Variants in POC1B observed in about 807,000 individuals in gnomAD.
POC1B encodes the protein POC1 centriolar protein homolog B.
A neutral mutation model predicts 60.6 loss-of-function variants in POC1B; 44 were observed. The observed-to-expected ratio is 0.73, with a 90% CI of 0.57 to 0.93. The LOEUF (loss-of-function observed/expected upper bound fraction) is 0.93, where lower values mean the gene tolerates loss of function less well. Among genes scored for constraint, POC1B ranks in the 40% least tolerant of loss-of-function variants. POC1B has a pLI of 0.00. For synonymous variants in POC1B, 180 were observed against 198.9 expected, an observed-to-expected ratio of 0.90 and a Z score of 0.80; for missense variants, 555 against 572.3, an observed-to-expected ratio of 0.97 and a Z score of 0.31.
Position 89,517,071 on chromosome 12 carries a change from AC to A in POC1B, c.100+8048del, listed in dbSNP as rs149877380. ...TTTTGGAGGGCCACCATTTAAACCC[AC>A]TATAGCTTCAAGGCCCTGCCTAAGC... is the stretch of plus-strand genomic sequence containing the variant. On this transcript the variant is annotated intron_variant, in intron 2 of 11. Coordinates refer to ENST00000313546, the MANE Select transcript of POC1B (RefSeq NM_172240.3). Among the ~76,000 whole-genome samples the A allele has an allele frequency of 2.7e-3, 417 of 152,196 alleles. 2 individuals carry two copies. The highest frequency in any genetic ancestry group is 8.3e-3 in the African/African-American group (345 of 41,530).
chr12:89,451,727 G>C (rs1336635129), intron 10 of POC1B, among the ~76,000 whole-genome samples: 1 of 152,178 alleles, frequency 6.6e-6, no homozygotes, highest in African/African-American at 2.4e-5. Flanking sequence ...TGAAAAATAT[G>C]TGTTAGCAGA....
In POC1B at chr12:89,521,553, T is replaced by C. The variant is rs142319209; in HGVS notation, c.100+3567A>G. Reference sequence around the variant, plus strand: ...GCACAGTGAGTCAATCTGGGAAGAATATACTGTACAATCAGCATTTCAGAG... The same window carrying C: ...GCACAGTGAGTCAATCTGGGAAGAACATACTGTACAATCAGCATTTCAGAG... On this transcript the variant is annotated intron_variant, in intron 2 of 11. Coordinates refer to ENST00000313546, the MANE Select transcript of POC1B (RefSeq NM_172240.3). 2.7e-3 allele frequency: 422 copies of C among 155,628 alleles called. 2 individuals carry two copies. The highest frequency in any genetic ancestry group is 8.4e-3 in the African/African-American group (349 of 41,718). The allele number at this position is 155,628 out of a possible 1,614,324, so 9.6% of individuals were successfully genotyped here. A position where few individuals can be genotyped will look rare whatever the true frequency, so the allele number is the denominator to read the frequency against.
At chr12:89,412,626 G>A in the POC1B span, among the ~76,000 whole-genome samples, 13 of 151,018 alleles carry the variant, frequency 8.6e-5, no homozygotes, top group East Asian at 2.5e-3. Context: ...GCAGTGAGCC[G>A]AGATCGCACC....
chr12:89,501,752 T>C, intron 2 of POC1B: 1 of 920,524 alleles, frequency 1.1e-6, no homozygotes. Flanking sequence ...AGAAATGAAT[T>C]ACCACTGCAT....
In POC1B at chr12:89,492,012, T is replaced by C. The variant is rs774983051; in HGVS notation, c.376A>G (p.Ile126Val). 4 of 1,609,348 alleles carry C rather than the reference T, an allele frequency of 2.5e-6. No individual in the cohort carries two copies. The highest frequency in any genetic ancestry group is 3.4e-6 in the Non-Finnish European group (4 of 1,178,434). Residue 126 changes from isoleucine to valine, a missense_variant, in exon 4 of 12, where the codon ATA (isoleucine) becomes GTA (valine). Coordinates refer to ENST00000313546, the MANE Select transcript of POC1B (RefSeq NM_172240.3). The stretch of plus-strand genomic sequence containing the variant: ...TGGCGATACATGCTCCATACTTTTA[T>C]GGATTTGTCTTCAGAAGCTGTAGCT... ...FLATASEDKS[I>V]KVWSMYRQRF... is the part of the protein sequence containing the mutation.
chr12:89,499,081 G>GA (rs1356777265), intron 2 of POC1B, among the ~76,000 whole-genome samples: 1 of 152,118 alleles, frequency 6.6e-6, no homozygotes, highest in African/African-American at 2.4e-5. Flanking sequence ...GCACCTGGAA[G>GA]AATGAGGAAT....
chr12:89,445,804 A>G (rs909646231), intron 10 of POC1B, among the ~76,000 whole-genome samples: 1 of 152,232 alleles, frequency 6.6e-6, no homozygotes, highest in Non-Finnish European at 1.5e-5. Flanking sequence ...AGAAACTACC[A>G]TCAGAGTGAA....
intron 10 of POC1B, chr12:89,429,145 T>C (rs1880912138): frequency 6.6e-6 from 1 of 152,126 alleles, no homozygotes; most frequent in Admixed American, 6.5e-5. Flanking sequence ...AGAGCTCCAA[T>C]AGGTTTTCTT....
chr12:89,457,223 T>C (rs1455946155), intron 10 of POC1B, among the ~76,000 whole-genome samples: 2 of 152,184 alleles, frequency 1.3e-5, no homozygotes, highest in African/African-American at 2.4e-5. Flanking sequence ...TTTACAATTA[T>C]GTCTGATTTG....
rs572907680 is a variant in POC1B at position 89,432,469 on chromosome 12, A to G, written c.1114-7090T>C. ...CTTTGCCATGTAAGGAAACATTTTCATAGATTCTGGGGATGAAGACATAAA... is the reference window on the plus strand; with the variant it reads ...CTTTGCCATGTAAGGAAACATTTTCGTAGATTCTGGGGATGAAGACATAAA... On this transcript the variant is annotated intron_variant, in intron 10 of 11. Coordinates refer to ENST00000313546, the MANE Select transcript of POC1B (RefSeq NM_172240.3). 5.3e-5 allele frequency among the ~76,000 whole-genome samples: 8 copies of G among 150,408 alleles called. No homozygotes were observed. The East Asian group carries it at 1.4e-3, about 26-fold the overall frequency.
chr12:89,452,472 G>C (rs1359872304), intron 10 of POC1B, among the ~76,000 whole-genome samples: 1 of 151,808 alleles, frequency 6.6e-6, no homozygotes, highest in African/African-American at 2.4e-5. Flanking sequence ...TTTGTCAATA[G>C]GAGTAAGGAC....
intron 9 of POC1B, among the ~76,000 whole-genome samples, chr12:89,465,316 G>A (rs1210628681): frequency 6.6e-6 from 1 of 152,138 alleles, no homozygotes; most frequent in Non-Finnish European, 1.5e-5. Context: ...TCTCTGTGCT[G>A]AGGTGAGTGT....
chr12:89,410,859 A>G, the POC1B span, among the ~76,000 whole-genome samples: 1 of 152,220 alleles, frequency 6.6e-6, no homozygotes, highest in Non-Finnish European at 1.5e-5. Flanking sequence ...ATGATTGTAT[A>G]TTTAGAAAAC....
At chr12:89,509,330 G>A (rs1711598645) in intron 2 of POC1B, among the ~76,000 whole-genome samples, 1 of 152,086 alleles carries the variant, frequency 6.6e-6, no homozygotes, top group Non-Finnish European at 1.5e-5. Context: ...TGGCCTCTGT[G>A]TCCTTTTGAT....
intron 2 of POC1B, chr12:89,521,726 T>G (rs1305727112): frequency 2.6e-5 from 8 of 310,794 alleles, no homozygotes; most frequent in Non-Finnish European, 4.7e-5. Context: ...ACCCACTTAC[T>G]GAAAGCTGCC....
chr12:89,438,382 G>A (rs545811861), intron 10 of POC1B, among the ~76,000 whole-genome samples: 14 of 152,360 alleles, frequency 9.2e-5, no homozygotes, highest in African/African-American at 2.9e-4. Flanking sequence ...GCGTGAAGCC[G>A]GGAGGCGGAG....
At chr12:89,490,355 T>G (rs1435148486) in intron 4 of POC1B, among the ~76,000 whole-genome samples, 5 of 152,264 alleles carry the variant, frequency 3.3e-5, no homozygotes, top group South Asian at 2.1e-4. Context: ...TTGTTTGTTT[T>G]TTTGAGATGG....
intron 7 of POC1B, among the ~76,000 whole-genome samples, chr12:89,467,988 A>C (rs543609903): frequency 2.6e-5 from 4 of 152,334 alleles, no homozygotes; most frequent in African/African-American, 9.6e-5. Flanking sequence ...ATTTCTGTTA[A>C]GATTTTCTGG....
chr12:89,421,950 A>ATT (rs1266262082), intron 11 of POC1B, among the ~76,000 whole-genome samples: 2 of 152,222 alleles, frequency 1.3e-5, no homozygotes, highest in Non-Finnish European at 2.9e-5. Context: ...ACATATATAT[A>ATT]TTAAATGTTA....
Sources: gnomAD v4.1 joint callset for allele counts (sites outside exome capture counted in the v4.1 genomes callset) on GRCh38, gnomAD v4.1.1 for gene constraint, MANE v1.5 for transcripts, NCBI Gene and HGNC (gene_info 2026-07-23, HGNC 2026-07-21) for gene names.